Variants in SMAD9 observed in about 807,000 individuals in gnomAD.
SMAD9 encodes the protein SMAD family member 9, also known as MAD homolog 9.
A neutral mutation model predicts 46.1 loss-of-function variants in SMAD9; 36 were observed. That is an observed-to-expected ratio of 0.78 (90% CI 0.60 to 1.03). SMAD9 has a LOEUF of 1.03. Among genes scored for constraint, SMAD9 ranks in the 50% least tolerant of loss-of-function variants. SMAD9 has a pLI of 0.00. For synonymous variants in SMAD9, 245 were observed against 237.1 expected (o/e 1.03, Z -0.31); for missense variants, 572 against 599.8 (o/e 0.95, Z 0.48).
In SMAD9 at chr13:36,862,135, C is replaced by T. The variant is rs555566905; in HGVS notation, c.1003+3402G>A. ...ACCTGACAGACTGGTTCAGGCTCCA[C>T]GAACACTGACTTCCTTGCTCTCTGT... On this transcript the variant is annotated intron_variant, in intron 5 of 6. Coordinates refer to ENST00000379826, the MANE Select transcript of SMAD9 (RefSeq NM_001127217.3). 3.9e-5 allele frequency among the ~76,000 whole-genome samples: 6 copies of T among 152,222 alleles called. No individual in the cohort carries two copies. In the South Asian group the frequency reaches 1.0e-3, roughly 26 times the overall value.
intron 1 of SMAD9, among the ~76,000 whole-genome samples, chr13:36,887,074 G>A (rs2058452424): frequency 7.3e-6 from 1 of 137,644 alleles, no homozygotes; most frequent in Admixed American, 7.8e-5. Flanking sequence ...GTAGAGACGA[G>A]GTCCAGGCTG....
rs1196179939 is a variant in SMAD9, at chr13:36,853,419, C to G, written c.1260G>C (p.Lys420Asn). ...KMCTIRMSFV[K>N]GWGAEYHRQD... ...TAACGTGATAGCAAGCACTCCTTAC[C>G]TTAACAAAACTCATCCGGATAGTAC... Residue 420 changes from lysine to asparagine, a missense_variant and splice_region_variant, in exon 6 of 7, where the codon AAG (lysine) becomes AAC (asparagine). By Grantham distance (94) the Lys-to-Asn change is moderately conservative. Transcript: ENST00000379826. 4.3e-6 allele frequency: 7 copies of G among 1,613,860 alleles called. No individual in the cohort carries two copies. Among genetic ancestry groups the G allele is most frequent in the Non-Finnish European group, 5.9e-6 (7 of 1,180,006 alleles).
intron 3 of SMAD9, among the ~76,000 whole-genome samples, chr13:36,869,563 T>C (rs1003703007): frequency 1.3e-5 from 2 of 151,994 alleles, no homozygotes; most frequent in African/African-American, 4.8e-5. Flanking sequence ...CTGGGTGCAG[T>C]GGAGCATGCC....
chr13:36,868,188 G>A (rs1170999749), intron 3 of SMAD9, among the ~76,000 whole-genome samples: 1 of 152,208 alleles, frequency 6.6e-6, no homozygotes, highest in Admixed American at 6.5e-5. Flanking sequence ...ATTGCCAGTG[G>A]AGCTTGCTAA....
chr13:36,857,467 G>T (rs2058137701), intron 5 of SMAD9, among the ~76,000 whole-genome samples: 1 of 152,150 alleles, frequency 6.6e-6, no homozygotes, highest in Non-Finnish European at 1.5e-5. Context: ...CTTTCCATTT[G>T]TGTGTGACTG....
chr13:36,870,721 T>C (rs1362526271), intron 3 of SMAD9, among the ~76,000 whole-genome samples: 2 of 127,864 alleles, frequency 1.6e-5, no homozygotes, highest in South Asian at 2.3e-4. Context: ...TTCCTATACA[T>C]ACCTGTGATA....
In SMAD9 at chr13:36,879,660, G is replaced by A. The variant is rs61751749; in HGVS notation, c.30C>T (p.Leu10=). Residue 10 remains leucine (L), a synonymous_variant, in exon 2 of 7, where the codon CTC becomes CTT. Transcript: ENST00000379826. MHSTTPISS[L]FSFTSPAVKR... is the part of the protein sequence containing the mutation. ...TCACTGCGGGGCTGGTGAAGGAGAA[G>A]AGGGAGCTGATGGGGGTGGTGGAGT... 5.0e-6 allele frequency: 8 copies of A among 1,614,110 alleles called. No homozygotes were observed. Among genetic ancestry groups the A allele is most frequent in the African/African-American group, 1.3e-5 (1 of 74,932 alleles).
At chr13:36,850,671 G>C (rs9576123) in intron 6 of SMAD9, among the ~76,000 whole-genome samples, 1 of 152,038 alleles carries the variant, frequency 6.6e-6, no homozygotes, top group African/African-American at 2.4e-5. Context: ...GAGCCACCAC[G>C]CCCGGCTCTT....
At chr13:36,853,796 G>T in intron 5 of SMAD9, 121 bp from the exon 6 acceptor site, 1 of 959,620 alleles carries the variant, frequency 1.0e-6, no homozygotes, top group Non-Finnish European at 1.6e-6. Flanking sequence ...CTGATCAGAT[G>T]AATGAGATGT....
At chr13:36,867,604 T>C (rs2058248049) in intron 3 of SMAD9, among the ~76,000 whole-genome samples, 1 of 152,172 alleles carries the variant, frequency 6.6e-6, no homozygotes, top group African/African-American at 2.4e-5. Context: ...TCAATTCATT[T>C]TCCCTCCGAC....
At position 36,851,967 on chromosome 13, in the gene SMAD9, C is replaced by T. The variant is rs574148936; in HGVS notation, c.1260+1452G>A. ...CATCCTAATTTTAAAAACACAGACC[C>T]GGAAAAAAAAAAAACTGTATGATTC... On this transcript the variant is annotated intron_variant, in intron 6 of 6. Coordinates refer to ENST00000379826, the MANE Select transcript of SMAD9 (RefSeq NM_001127217.3). 2.8e-5 allele frequency: 27 copies of T among 969,260 alleles called. 1 individual carries two copies. The South Asian group carries it at 4.3e-4, about 15-fold the overall frequency. The allele number at this position is 969,260 out of a possible 1,614,324, so 60.0% of individuals were successfully genotyped here. A position where few individuals can be genotyped will look rare whatever the true frequency, so the allele number is the denominator to read the frequency against.
In SMAD9 at chr13:36,848,477, C is replaced by T. The variant is rs2058049943; in HGVS notation, c.*199G>A. The stretch of plus-strand genomic sequence containing the variant: ...CTGCTTATAGCACAGGCACCAAAGT[C>T]CTGCTTTTCCAATTGCACTGTACTG... On this transcript the variant is annotated 3_prime_UTR_variant, in exon 7 of 7. Transcript: ENST00000379826. 3.3e-6 allele frequency: 2 copies of T among 611,862 alleles called. No homozygotes were observed. Among genetic ancestry groups the T allele is most frequent in the Non-Finnish European group, 5.8e-6 (2 of 345,770 alleles). 37.9% of individuals were successfully genotyped at this position (611,862 alleles called of 1,614,324 possible). A position where few individuals can be genotyped will look rare whatever the true frequency, so the allele number is the denominator to read the frequency against.
chr13:36,894,848 T>C (rs1463440990), intron 1 of SMAD9, among the ~76,000 whole-genome samples: 2 of 152,266 alleles, frequency 1.3e-5, no homozygotes, highest in East Asian at 1.9e-4. Flanking sequence ...AATGATGCCA[T>C]GAAAAAGACA....
chr13:36,886,980 T>A (rs572205194), intron 1 of SMAD9, among the ~76,000 whole-genome samples: 1 of 149,982 alleles, frequency 6.7e-6, no homozygotes, highest in South Asian at 2.1e-4. Flanking sequence ...CTGCTGGAGC[T>A]GGAAAGCAGC....
At position 36,847,694 on chromosome 13, in the gene SMAD9, G is replaced by A. The variant is rs1216699476; in HGVS notation, c.*982C>T. 1 of 152,260 alleles carries A rather than the reference G, an allele frequency of 6.6e-6. No individual in the cohort carries two copies. Among genetic ancestry groups the A allele is most frequent in the African/African-American group, 2.4e-5 (1 of 41,462 alleles). The allele number at this position is 152,260 out of a possible 1,614,324, so 9.4% of individuals were successfully genotyped here. A position where few individuals can be genotyped will look rare whatever the true frequency, so the allele number is the denominator to read the frequency against. ...CAAGAGGCAGGAAAACGTGGCGAAA[G>A]AGTGCCCTTCCCAGGAGACTGGAAC... On this transcript the variant is annotated 3_prime_UTR_variant, in exon 7 of 7. Coordinates refer to ENST00000379826, the MANE Select transcript of SMAD9 (RefSeq NM_001127217.3).
In SMAD9 at chr13:36,865,549, G is replaced by A. The variant is rs750319797; in HGVS notation, c.991C>T (p.His331Tyr). The change falls in exon 5 of 7, where the codon CAT (histidine) becomes TAT (tyrosine). Residue 331 changes from histidine (H) to tyrosine (Y), a missense_variant. Transcript: ENST00000379826. ...RNSTIENTRR[H>Y]IGKGVHLYYV... ...TCTTTGCTCTTACCCTTTCCTATAT[G>A]TCTCCTGGTATTTTCTATCGTTGAG... 4 of 1,612,428 alleles carry A rather than the reference G, an allele frequency of 2.5e-6. No individual in the cohort carries two copies. Among genetic ancestry groups the A allele is most frequent in the Non-Finnish European group, 3.4e-6 (4 of 1,178,700 alleles).
rs1337796974 is a variant in SMAD9, at chr13:36,867,329, C to A, written c.725G>T (p.Gly242Val). The change falls in exon 4 of 7, where the codon GGC becomes GTC. Residue 242 changes from glycine (G) to valine (V), a missense_variant. Gly to Val is a moderately radical substitution (Grantham distance 109, BLOSUM62 -3). Transcript: ENST00000379826. ...ATCAGCTGTGGCATCTACAGGTTGG[C>A]CACTCTGGGTCTCAGAGGCTTCTGT... ...HATEASETQSGQPVDATADRH... is the reference protein window; with the variant it reads ...HATEASETQSVQPVDATADRH... 4 of 1,550,952 alleles carry A rather than the reference C, an allele frequency of 2.6e-6. No individual in the cohort carries two copies. The highest frequency in any genetic ancestry group is 3.5e-6 in the Non-Finnish European group (4 of 1,146,608).
At chr13:36,900,271 T>C (rs2058563111) in intron 1 of SMAD9, among the ~76,000 whole-genome samples, 1 of 152,070 alleles carries the variant, frequency 6.6e-6, no homozygotes, top group Non-Finnish European at 1.5e-5. Context: ...GCCTTCCCTA[T>C]CTTATTTTAT....
chr13:36,874,619 A>G (rs555610452), intron 2 of SMAD9, among the ~76,000 whole-genome samples: 2 of 152,252 alleles, frequency 1.3e-5, no homozygotes, highest in South Asian at 4.1e-4. Flanking sequence ...GCACTTTGGA[A>G]GGCCAAGGCA....
Sources: allele counts gnomAD v4.1 joint callset (sites outside exome capture counted in the v4.1 genomes callset), GRCh38; gene constraint gnomAD v4.1.1; transcripts MANE v1.5; gene names NCBI Gene and HGNC (gene_info 2026-07-23, HGNC 2026-07-21).